Variants in PCGF3 observed in about 807,000 individuals in gnomAD.
PCGF3 encodes polycomb group RING finger protein 3.
Under a neutral mutation model 33.1 loss-of-function variants are expected in PCGF3, and 7 were observed. That is an observed-to-expected ratio of 0.21 (90% CI 0.12 to 0.40). PCGF3 has a LOEUF of 0.40. Among genes scored for constraint, PCGF3 ranks in the 10% least tolerant of loss-of-function variants. PCGF3 has a pLI of 1.00. For missense variants in PCGF3, 211 were observed against 313.3 expected, an observed-to-expected ratio of 0.67 and a Z score of 2.46; for synonymous variants, 153 against 121.3, an observed-to-expected ratio of 1.26 and a Z score of -1.72.
At chr4:707,296 ACCCCAGAATAGATC>A (rs1342906063) in intron 1 of PCGF3, among the ~76,000 whole-genome samples, 2 of 152,010 alleles carry the variant, frequency 1.3e-5, no homozygotes, top group African/African-American at 2.4e-5. Context: ...GAATGCCAGG[ACCCCAGAATAGATC>A]CCCCAGGAAG....
chr4:765,117 C>G (rs1314660832), intron 10 of PCGF3, 53 bp downstream of exon 10: 1 of 1,214,940 alleles, frequency 8.2e-7, no homozygotes, highest in Non-Finnish European at 1.2e-6. Flanking sequence ...AGTGACTTTG[C>G]TGTGCATCTC....
chr4:726,754 AATG>A (rs1371888209), intron 1 of PCGF3, among the ~76,000 whole-genome samples: 2 of 151,800 alleles, frequency 1.3e-5, no homozygotes, highest in Non-Finnish European at 2.9e-5. Context: ...TCACCACAGG[AATG>A]ATGTTTATGG....
chr4:760,903 C>A (rs891821584), intron 8 of PCGF3, among the ~76,000 whole-genome samples: 1 of 152,244 alleles, frequency 6.6e-6, no homozygotes, highest in Non-Finnish European at 1.5e-5. Context: ...CTGCTGTCTC[C>A]CCGAGTGCAT....
intron 6 of PCGF3, among the ~76,000 whole-genome samples, chr4:739,625 T>C (rs2152583848): frequency 6.6e-6 from 1 of 152,350 alleles, no homozygotes; most frequent in East Asian, 1.9e-4. Flanking sequence ...ACCCGTGTTT[T>C]TGGGAAGCCC....
At chr4:715,498 C>CTG (rs1742783192) in intron 1 of PCGF3, among the ~76,000 whole-genome samples, 5 of 142,700 alleles carry the variant, frequency 3.5e-5, no homozygotes, top group South Asian at 4.5e-4. Context: ...CCTATAGACA[C>CTG]TGAGTGGGAG....
intron 1 of PCGF3, among the ~76,000 whole-genome samples, chr4:709,623 G>T (rs145252850): frequency 6.6e-6 from 1 of 152,280 alleles, no homozygotes; most frequent in African/African-American, 2.4e-5. Flanking sequence ...CGGATTAGGC[G>T]TGCGGGCTTG....
At chr4:709,377 G>A (rs200416766) in intron 1 of PCGF3, among the ~76,000 whole-genome samples, 1 of 151,748 alleles carries the variant, frequency 6.6e-6, no homozygotes, top group Non-Finnish European at 1.5e-5. Flanking sequence ...AGGCAAGAGT[G>A]AATGATGCAT....
chr4:764,926 C>G, intron 9 of PCGF3, 58 bp from the exon 10 acceptor site: 1 of 1,158,850 alleles, frequency 8.6e-7, no homozygotes, highest in South Asian at 1.3e-5. Flanking sequence ...ATCAAGGTGG[C>G]CATGTCAGTG....
At chr4:743,416 G>T (rs1247016647) in intron 6 of PCGF3, 58 bp from the exon 7 acceptor site, 1 of 989,216 alleles carries the variant, frequency 1.0e-6, no homozygotes, top group East Asian at 2.4e-5. Context: ...TTTATGAACA[G>T]AAGTTTAATA....
At chr4:714,228 C>G (rs1216662143) in intron 1 of PCGF3, among the ~76,000 whole-genome samples, 2 of 152,244 alleles carry the variant, frequency 1.3e-5, no homozygotes, top group Non-Finnish European at 2.9e-5. Context: ...GAGGTGCGTT[C>G]TGTGGTTTGT....
At position 744,562 on chromosome 4, in the gene PCGF3, G is replaced by C. The variant is rs769731033; in HGVS notation, c.374-38G>C. On this transcript the variant is annotated intron_variant, in intron 7 of 10. Coordinates refer to ENST00000362003, the Ensembl canonical transcript of PCGF3. ...AGTTTTTTAAATGGCTTGACAGTTT[G>C]GATTTCATGGTGCGCTATGTTCTGT... 59 of 1,449,544 alleles carry C rather than the reference G, an allele frequency of 4.1e-5. No homozygotes were observed. The South Asian group carries it at 6.7e-4, about 16-fold the overall frequency. 89.8% of individuals were successfully genotyped at this position (1,449,544 alleles called of 1,614,324 possible).
intron 9 of PCGF3, among the ~76,000 whole-genome samples, chr4:763,473 G>C (rs535700246): frequency 1.3e-5 from 2 of 152,212 alleles, no homozygotes; most frequent in Non-Finnish European, 2.9e-5. Flanking sequence ...CCTTCCCCAG[G>C]GAGGAATCTG....
At chr4:707,270 C>T (rs1248213375) in intron 1 of PCGF3, among the ~76,000 whole-genome samples, 1 of 151,956 alleles carries the variant, frequency 6.6e-6, no homozygotes, top group Admixed American at 6.6e-5. Flanking sequence ...GACGTAGGGA[C>T]CAGGCAGAAT....
chr4:755,025 C>T (rs975017004), intron 8 of PCGF3, among the ~76,000 whole-genome samples: 23 of 152,330 alleles, frequency 1.5e-4, no homozygotes, highest in Admixed American at 9.2e-4. Context: ...TAGCCATAGA[C>T]AGCGACAGGT....
At chr4:729,917 G>C (rs1000921458) in intron 1 of PCGF3, among the ~76,000 whole-genome samples, 1 of 152,172 alleles carries the variant, frequency 6.6e-6, no homozygotes, top group Non-Finnish European at 1.5e-5. Context: ...ACAGGAACGT[G>C]TGGGAGGCCA....
rs1305416514 is a variant in PCGF3, at chr4:766,061, C to T, written c.711C>T (p.Pro237=). ...CGCCGCTCCTGCTGCACTACAGACC[C>T]AAGATGGACTTGCTGTGAATGGTGC... The change falls in exon 11 of 11, where the codon CCC becomes CCT. Residue 237 remains proline (P), a synonymous_variant. Coordinates refer to ENST00000362003, the Ensembl canonical transcript of PCGF3. 3.1e-6 allele frequency: 5 copies of T among 1,614,016 alleles called. No homozygotes were observed. In the African/African-American group the frequency reaches 6.7e-5, roughly 22 times the overall value.
At chr4:744,577 C>T (rs931332817) in intron 7 of PCGF3, 23 bp from the exon 8 acceptor site, 2 of 1,522,288 alleles carry the variant, frequency 1.3e-6, no homozygotes, top group Admixed American at 2.0e-5. Context: ...TCATGGTGCG[C>T]TATGTTCTGT....
chr4:765,974 A>G (rs1745349402), intron 10 of PCGF3, 58 bp from the exon 11 acceptor site: 5 of 1,494,206 alleles, frequency 3.3e-6, no homozygotes, highest in Non-Finnish European at 4.7e-6. Context: ...CCGATGAAGT[A>G]GGTCCTTCTC....
At chr4:731,076 C>G (rs760471324) in exon 3 of PCGF3, 1 of 398,630 alleles carries the variant, frequency 2.5e-6, no homozygotes, top group Non-Finnish European at 4.4e-6. Flanking sequence ...CTCCATGCCC[C>G]GGCAGAGGGA....
Sources: allele counts gnomAD v4.1 joint callset (sites outside exome capture counted in the v4.1 genomes callset), GRCh38; gene constraint gnomAD v4.1.1; transcripts MANE v1.5; gene names NCBI Gene and HGNC (gene_info 2026-07-23, HGNC 2026-07-21).